The following RABEP1 variants were observed in gnomAD, a reference collection of about 807,000 sequenced individuals.
The protein encoded by RABEP1 is rabaptin, RAB GTPase binding effector protein 1, also known as rab GTPase-binding effector protein 1.
RABEP1 carries 51 observed loss-of-function variants against 123.4 expected under a neutral mutation model. The observed-to-expected ratio is 0.41, with a 90% CI of 0.33 to 0.52. The LOEUF is 0.52. Ranked by LOEUF, RABEP1 falls within the 20% of genes least tolerant of loss-of-function variation. The pLI is 0.16. For missense variants in RABEP1, 888 were observed against 996.3 expected (o/e 0.89, Z 1.46); for synonymous variants, 347 against 355.2 (o/e 0.98, Z 0.26).
At chr17:5,353,455 T>G (rs1908742607) in intron 7 of RABEP1, among the ~76,000 whole-genome samples, 1 of 152,248 alleles carries the variant, frequency 6.6e-6, no homozygotes, top group African/African-American at 2.4e-5. Context: ...ATAAGGTATC[T>G]TACTCATCTT....
chr17:5,337,897 A>G (rs1161199697), intron 4 of RABEP1, 122 bp from the exon 5 acceptor site: 8 of 1,069,892 alleles, frequency 7.5e-6, no homozygotes, highest in Non-Finnish European at 1.0e-5. Flanking sequence ...AGTTTTGCGA[A>G]TATTAATATA....
chr17:5,380,760 C>T (rs1317971565), intron 16 of RABEP1, among the ~76,000 whole-genome samples: 1 of 152,240 alleles, frequency 6.6e-6, no homozygotes, highest in Non-Finnish European at 1.5e-5. Context: ...AAATGTCATT[C>T]CATTTGACTG....
At position 5,385,936 on chromosome 17, in the gene RABEP1, A is replaced by G. The variant is rs192244400; in HGVS notation, c.*2713A>G. 196 of 383,980 alleles carry G rather than the reference A, an allele frequency of 5.1e-4. 1 individual carries two copies. Among genetic ancestry groups the G allele is most frequent in the African/African-American group, 3.8e-3 (184 of 48,256 alleles). The allele number at this position is 383,980 out of a possible 1,614,324, so 23.8% of individuals were successfully genotyped here. Reference sequence around the variant, plus strand: ...CTTGCTCAAATATGGAGAAAACTCAATAGGGTTCAGGGAGGTTCTGGCAGT... The same window carrying G: ...CTTGCTCAAATATGGAGAAAACTCAGTAGGGTTCAGGGAGGTTCTGGCAGT... On this transcript the variant is annotated 3_prime_UTR_variant, in exon 18 of 18. Coordinates refer to ENST00000537505, the MANE Select transcript of RABEP1 (RefSeq NM_004703.6).
rs184955975 is a variant in RABEP1 at position 5,359,112 on chromosome 17, T to C, written c.1096-2096T>C. On this transcript the variant is annotated intron_variant, in intron 8 of 17. Transcript: ENST00000537505. ...TTTTTGAGACGGAGTCTCGCTCTGT[T>C]GCCCAGGCTGGAGTGCAGTGGTGTG... is the stretch of plus-strand genomic sequence containing the variant. Among the ~76,000 whole-genome samples the C allele has an allele frequency of 2.9e-3, 434 of 151,774 alleles. 1 individual carries two copies. The highest frequency in any genetic ancestry group is 9.3e-3 in the African/African-American group (385 of 41,414).
intron 7 of RABEP1, 140 bp downstream of exon 7, chr17:5,350,769 T>C (rs117978613): frequency 0.017 from 16,073 of 920,800 alleles, 232 homozygotes; most frequent in Middle Eastern, 0.036. Flanking sequence ...TTTAAAAACA[T>C]AACAGCTACA....
At chr17:5,321,477 G>C (rs959391696) in intron 2 of RABEP1, among the ~76,000 whole-genome samples, 4 of 151,926 alleles carry the variant, frequency 2.6e-5, no homozygotes, top group Admixed American at 2.6e-4. Context: ...GGGCATGCTG[G>C]CATGTGCCTG....
At chr17:5,310,470 C>T (rs1359963998) in intron 2 of RABEP1, among the ~76,000 whole-genome samples, 1 of 151,888 alleles carries the variant, frequency 6.6e-6, no homozygotes, top group Non-Finnish European at 1.5e-5. Flanking sequence ...CAGGTGTGTG[C>T]CACCATGCCC....
At chr17:5,382,690 T>C (rs1387601220) in intron 17 of RABEP1, among the ~76,000 whole-genome samples, 1 of 152,002 alleles carries the variant, frequency 6.6e-6, no homozygotes, top group Non-Finnish European at 1.5e-5. Flanking sequence ...AAGTGGAGGT[T>C]GCAGTGAGCC....
At chr17:5,305,778 CA>C (rs1567871245) in intron 1 of RABEP1, among the ~76,000 whole-genome samples, 1 of 152,164 alleles carries the variant, frequency 6.6e-6, no homozygotes, top group African/African-American at 2.4e-5. Flanking sequence ...GCACAGAGAA[CA>C]GATTTCTTTC....
intron 13 of RABEP1, among the ~76,000 whole-genome samples, chr17:5,375,359 C>T (rs1910905694): frequency 1.3e-5 from 2 of 152,224 alleles, no homozygotes; most frequent in South Asian, 2.1e-4. Context: ...TTGGCAGAGC[C>T]TTCTTTCCTT....
intron 12 of RABEP1, among the ~76,000 whole-genome samples, chr17:5,369,885 A>G (rs1224886595): frequency 6.6e-6 from 1 of 151,992 alleles, no homozygotes; most frequent in Non-Finnish European, 1.5e-5. Context: ...TTTTTAGTAG[A>G]GACGGGGTTT....
intron 11 of RABEP1, among the ~76,000 whole-genome samples, chr17:5,366,991 A>C (rs1173231877): frequency 6.6e-6 from 1 of 151,238 alleles, no homozygotes; most frequent in Non-Finnish European, 1.5e-5. Flanking sequence ...TGGGAGGCTG[A>C]GGCAGGAGAA....
chr17:5,324,545 T>A (rs1905776420), intron 2 of RABEP1, among the ~76,000 whole-genome samples: 1 of 152,092 alleles, frequency 6.6e-6, no homozygotes, highest in Admixed American at 6.6e-5. Flanking sequence ...GTGTAAGACC[T>A]CAAAAGCATA....
chr17:5,306,487 G>T (rs898912232), intron 1 of RABEP1, among the ~76,000 whole-genome samples: 2 of 152,084 alleles, frequency 1.3e-5, no homozygotes, highest in Non-Finnish European at 2.9e-5. Flanking sequence ...TATTAGCTGG[G>T]CGTGGTGGCA....
chr17:5,291,350 T>C (rs1480996531), intron 1 of RABEP1, among the ~76,000 whole-genome samples: 5 of 152,094 alleles, frequency 3.3e-5, no homozygotes, highest in African/African-American at 1.2e-4. Flanking sequence ...GCTAAGAGGT[T>C]GTAGTGAGCC....
intron 11 of RABEP1, among the ~76,000 whole-genome samples, 178 bp from the exon 12 acceptor site, chr17:5,368,192 T>C (rs1172597585): frequency 1.3e-5 from 2 of 152,224 alleles, no homozygotes; most frequent in African/African-American, 4.8e-5. Context: ...CCTTGTGTTA[T>C]CTGAAAGGCC....
intron 1 of RABEP1, among the ~76,000 whole-genome samples, chr17:5,297,403 C>T (rs1334855458): frequency 6.6e-6 from 1 of 151,968 alleles, no homozygotes; most frequent in Non-Finnish European, 1.5e-5. Flanking sequence ...GAAGAACATC[C>T]CTAGGAGGTG....
At chr17:5,302,909 T>TG (rs1361022822) in intron 1 of RABEP1, among the ~76,000 whole-genome samples, 4 of 152,186 alleles carry the variant, frequency 2.6e-5, no homozygotes, top group Admixed American at 2.0e-4. Context: ...ATGATTTTTT[T>TG]TGTGTTGAAA....
At chr17:5,334,957 TAAAATAATATATGAC>T (rs559298586) in intron 3 of RABEP1, among the ~76,000 whole-genome samples, 3 of 152,324 alleles carry the variant, frequency 2.0e-5, no homozygotes, top group Admixed American at 2.0e-4. Context: ...TTCTCCTTCG[TAAAATAATATATGAC>T]ACAGGTTTAT....
Sources: allele counts gnomAD v4.1 joint callset (sites outside exome capture counted in the v4.1 genomes callset), GRCh38; gene constraint gnomAD v4.1.1; transcripts MANE v1.5; gene names NCBI Gene and HGNC (gene_info 2026-07-23, HGNC 2026-07-21).